The following NDE1 variants were observed in gnomAD, a reference collection of about 807,000 sequenced individuals.
NDE1 encodes the protein nuclear distribution protein nudE homolog 1.
A neutral mutation model predicts 43.4 loss-of-function variants in NDE1; 28 were observed. That is an observed-to-expected ratio of 0.65 (90% CI 0.48 to 0.89). The LOEUF is 0.89. Ranked by LOEUF, NDE1 falls within the 40% of genes least tolerant of loss-of-function variation. The pLI, the probability that NDE1 is intolerant of heterozygous loss-of-function variation, is 0.00. For missense variants in NDE1, 441 were observed against 434.1 expected (o/e 1.02, Z -0.14); for synonymous variants, 184 against 172.0 (o/e 1.07, Z -0.55).
intron 5 of NDE1, 37 bp downstream of exon 5, chr16:15,687,548 C>T (rs200527422): frequency 3.1e-5 from 49 of 1,557,594 alleles, no homozygotes; most frequent in South Asian, 4.5e-5. Context: ...GCATGGTCCC[C>T]TCTCCCTACC....
At chr16:15,686,762 A>G (rs2038459852) in intron 4 of NDE1, 3 of 222,292 alleles carry the variant, frequency 1.3e-5, no homozygotes, top group South Asian at 1.6e-4. Context: ...GCTGGAGTGC[A>G]GTGGTATAAT....
chr16:15,691,459 T>A, intron 6 of NDE1, 136 bp downstream of exon 6: 1 of 994,598 alleles, frequency 1.0e-6, no homozygotes, highest in South Asian at 1.5e-5. Flanking sequence ...GAGCAGAGAG[T>A]AGACTGGGAT....
At chr16:15,707,683 T>TC (rs2039530072) in intron 8 of NDE1, among the ~76,000 whole-genome samples, 1 of 152,204 alleles carries the variant, frequency 6.6e-6, no homozygotes, top group Non-Finnish European at 1.5e-5. Flanking sequence ...CCACATGGCC[T>TC]AACTTCACCT....
Position 15,694,196 on chromosome 16 carries a change from C to A in NDE1, c.735C>A (p.Leu245=). 1 of 1,613,224 alleles carries A rather than the reference C, an allele frequency of 6.2e-7. No homozygotes were observed. Among genetic ancestry groups the A allele is most frequent in the African/African-American group, 1.3e-5 (1 of 75,042 alleles). ...ACGACTCCACCGGGGGGACCCCCCTCACACCTGCGGCCCGGATATCAGCCC... is the reference window on the plus strand; with the variant it reads ...ACGACTCCACCGGGGGGACCCCCCTAACACCTGCGGCCCGGATATCAGCCC... The part of the protein sequence containing the change: ...GLDDSTGGTP[L]TPAARISALN... The change falls in exon 7 of 9, where the codon CTC becomes CTA. Residue 245 remains leucine (L), a synonymous_variant. Coordinates refer to ENST00000396354, the MANE Select transcript of NDE1 (RefSeq NM_017668.3).
At chr16:15,683,855 G>A (rs940745737) in intron 4 of NDE1, among the ~76,000 whole-genome samples, 11 of 151,846 alleles carry the variant, frequency 7.2e-5, no homozygotes, top group African/African-American at 2.2e-4. Flanking sequence ...TGAGACTCCC[G>A]TCTCTAGAAA....
chr16:15,714,486 A>G lies in NDE1; in HGVS notation c.948-9705A>G, dbSNP rs567916297. On this transcript the variant is annotated intron_variant, in intron 8 of 8. Coordinates refer to ENST00000396354, the MANE Select transcript of NDE1 (RefSeq NM_017668.3). ...CCCATACCCGAGAATAATGCAGCCC[A>G]GATGGCAGCAGTGCTGAGGGGGAGA... 1.5e-5 allele frequency: 4 copies of G among 274,274 alleles called. No homozygotes were observed. In the South Asian group the frequency reaches 1.9e-4, roughly 13 times the overall value. The allele number at this position is 274,274 out of a possible 1,614,324, so 17.0% of individuals were successfully genotyped here. A position where few individuals can be genotyped will look rare whatever the true frequency, so the allele number is the denominator to read the frequency against.
chr16:15,725,171 C>A lies in NDE1; in HGVS notation c.*920C>A, dbSNP rs1358081591. 8 of 638,142 alleles carry A rather than the reference C, an allele frequency of 1.3e-5. No individual in the cohort carries two copies. Among genetic ancestry groups the A allele is most frequent in the Non-Finnish European group, 2.7e-6 (1 of 365,466 alleles). The allele number at this position is 638,142 out of a possible 1,614,324, so 39.5% of individuals were successfully genotyped here. The stretch of plus-strand genomic sequence containing the variant: ...AAAACACACACACACACAAAAAAAA[C>A]AGAATCTGTGGCTTGAAGGGAACTC... On this transcript the variant is annotated 3_prime_UTR_variant, in exon 9 of 9. Coordinates refer to ENST00000396354, the MANE Select transcript of NDE1 (RefSeq NM_017668.3).
chr16:15,714,612 G>C, intron 8 of NDE1: 1 of 541,718 alleles, frequency 1.8e-6, no homozygotes, highest in East Asian at 3.2e-5. Context: ...TGAAGGAGGG[G>C]CTGGAGGAGA....
chr16:15,699,233 G>T (rs2039138310), intron 8 of NDE1, among the ~76,000 whole-genome samples: 1 of 151,242 alleles, frequency 6.6e-6, no homozygotes, highest in Admixed American at 6.6e-5. Context: ...CAAGTGCTGG[G>T]GGTTACAAGC....
chr16:15,714,817 CA>C, intron 8 of NDE1: 2 of 1,492,398 alleles, frequency 1.3e-6, no homozygotes, highest in Non-Finnish European at 1.8e-6. Context: ...GCTGTGGGCA[CA>C]AGGGGCATTT....
At chr16:15,696,887 C>T in intron 8 of NDE1, 27 bp downstream of exon 8, 1 of 1,610,290 alleles carries the variant, frequency 6.2e-7, no homozygotes, top group Non-Finnish European at 8.5e-7. Context: ...AAACCTCTCG[C>T]TGGCGGGGAG....
At chr16:15,654,045 G>A (rs547304202) in intron 1 of NDE1, among the ~76,000 whole-genome samples, 1 of 152,026 alleles carries the variant, frequency 6.6e-6, no homozygotes, top group African/African-American at 2.4e-5. Flanking sequence ...ACAAATTTTT[G>A]AAGGAGGCAT....
intron 8 of NDE1, chr16:15,702,094 A>G (rs563293182): frequency 6.6e-6 from 1 of 152,328 alleles, no homozygotes; most frequent in East Asian, 1.9e-4. Flanking sequence ...TGCGTCATTC[A>G]AGGCATATTA....
chr16:15,681,778 T>A (rs753173856), intron 4 of NDE1, among the ~76,000 whole-genome samples: 2 of 152,146 alleles, frequency 1.3e-5, no homozygotes, highest in Non-Finnish European at 2.9e-5. Context: ...AGGTGCAGGA[T>A]CTCGGCTAAC....
intron 8 of NDE1, among the ~76,000 whole-genome samples, chr16:15,706,666 C>T (rs2039473298): frequency 1.3e-5 from 2 of 151,642 alleles, no homozygotes; most frequent in East Asian, 1.9e-4. Flanking sequence ...AACGTTGTGC[C>T]ACTGCACTCC....
At chr16:15,643,950 T>C (rs1260849786) in intron 1 of NDE1, 2 of 152,328 alleles carry the variant, frequency 1.3e-5, no homozygotes, top group African/African-American at 4.8e-5. Flanking sequence ...CACTTTGTGT[T>C]TTAGGTGGCC....
chr16:15,719,605 C>G lies in NDE1; in HGVS notation c.948-4586C>G, dbSNP rs1239423939. ...TTTACCTCTTGTAGCTGCATGAGGT[C>G]TGCTTCCAAGCTCTTGGCTTTCTTC... On this transcript the variant is annotated intron_variant, in intron 8 of 8. Transcript: ENST00000396354. 6.2e-7 allele frequency: 1 copy of G among 1,614,212 alleles called. No individual in the cohort carries two copies. The highest frequency in any genetic ancestry group is 8.5e-7 in the Non-Finnish European group (1 of 1,180,042).
rs1420159013 is a variant in NDE1 at position 15,724,461 on chromosome 16, T to G, written c.*210T>G. The G allele has an allele frequency of 6.2e-7, 1 of 1,610,396 alleles. No individual in the cohort carries two copies. Among genetic ancestry groups the G allele is most frequent in the East Asian group, 2.2e-5 (1 of 44,860 alleles). On this transcript the variant is annotated 3_prime_UTR_variant, in exon 9 of 9. Transcript: ENST00000396354. Reference sequence around the variant, plus strand: ...TGAGAGGGGGACCATGAGTGGCCCCTGTCCCTGGCCCCACAGACTCTGAGA... The same window carrying G: ...TGAGAGGGGGACCATGAGTGGCCCCGGTCCCTGGCCCCACAGACTCTGAGA...
chr16:15,712,882 G>GGTTTTTTTTTTT (rs2039886822), intron 8 of NDE1: 1 of 90,636 alleles, frequency 1.1e-5, no homozygotes, highest in African/African-American at 4.5e-5. Context: ...TTCACATACA[G>GGTTTTTTTTTTT]TTTTTTTTTT....
Sources: gnomAD v4.1 joint callset for allele counts (sites outside exome capture counted in the v4.1 genomes callset) on GRCh38, gnomAD v4.1.1 for gene constraint, MANE v1.5 for transcripts, NCBI Gene and HGNC (gene_info 2026-07-23, HGNC 2026-07-21) for gene names.